Variants in DVL3 observed in about 807,000 individuals in gnomAD.
DVL3 encodes the protein segment polarity protein dishevelled homolog DVL-3.
DVL3 carries 27 observed loss-of-function variants against 67.4 expected under a neutral mutation model. The ratio of observed to expected loss-of-function variants is 0.40; its 90% CI spans 0.30 to 0.55. The LOEUF (loss-of-function observed/expected upper bound fraction) is 0.55, where lower values mean the gene tolerates loss of function less well. DVL3 is among the 20% of genes least tolerant of loss of function. The probability of loss-of-function intolerance (pLI) is 0.46; values close to 1 mark genes in which losing one functional copy is unlikely to be tolerated. For missense variants in DVL3, 819 were observed against 1,021.5 expected, an observed-to-expected ratio of 0.80 and a Z score of 2.70; for synonymous variants, 369 against 396.8, an observed-to-expected ratio of 0.93 and a Z score of 0.83.
Position 184,167,084 on chromosome 3 carries a change from G to A in DVL3, c.1198+109G>A. ...TGAGCATCAGAGAGGGCTGGAGATG[G>A]GGCTCGGCTCATTCCAGCAACCCCA... On this transcript the variant is annotated intron_variant, in intron 11 of 14. Transcript: ENST00000313143. This position sits in a 1 kb window ranked among gnomAD's most constrained non-coding sequence, Gnocchi z 4.6. 2.9e-6 allele frequency: 4 copies of A among 1,388,964 alleles called. No individual in the cohort carries two copies. In the South Asian group the frequency reaches 4.0e-5, roughly 14 times the overall value. 86.0% of individuals were successfully genotyped at this position (1,388,964 alleles called of 1,614,324 possible).
chr3:184,170,709 G>A lies in DVL3; in HGVS notation c.2105G>A (p.Arg702His). 6.2e-7 allele frequency: 1 copy of A among 1,613,638 alleles called. No homozygotes were observed. Among genetic ancestry groups the A allele is most frequent in the Non-Finnish European group, 8.5e-7 (1 of 1,179,914 alleles). The stretch of plus-strand genomic sequence containing the variant: ...CTGACCGCCAGCAGACAGTCCTTCC[G>A]CATGGCCATGGGAAACCCCAGTGAG... Reference protein sequence around the residue: ...PELTASRQSFRMAMGNPSEFF... With the variant: ...PELTASRQSFHMAMGNPSEFF... The change falls in exon 15 of 15, where the codon CGC (arginine) becomes CAC (histidine). Residue 702 changes from arginine (R) to histidine (H), a missense_variant. Transcript: ENST00000313143. The surrounding 1 kb of genome is among the most constrained non-coding windows in gnomAD (Gnocchi z 6.5).
chr3:184,170,420 GACC>G lies in DVL3; in HGVS notation c.1819_1821del (p.His607del). 6.3e-7 allele frequency: 1 copy of G among 1,598,918 alleles called. No homozygotes were observed. Among genetic ancestry groups the G allele is most frequent in the Non-Finnish European group, 8.5e-7 (1 of 1,172,984 alleles). On this transcript the variant is annotated inframe_deletion, in exon 15 of 15. Coordinates refer to ENST00000313143, the MANE Select transcript of DVL3 (RefSeq NM_004423.4). This position sits in a 1 kb window ranked among gnomAD's most constrained non-coding sequence, Gnocchi z 6.5. ...GTCCGGGGGCAGCGGCAGCGAATCG[GACC>G]ACACCACACGCAGCAGCCTGCGGGG...
rs1413126315 is a variant in DVL3, at chr3:184,159,437, C to T, written c.161+3641C>T. On this transcript the variant is annotated intron_variant, in intron 1 of 14. Transcript: ENST00000313143. ...GGGGTACAGTGGTGCGACCTTGGCT[C>T]ACTGCAACCTCTGCCTCCCGGGTTC... is the stretch of plus-strand genomic sequence containing the variant. 3.0e-5 allele frequency among the ~76,000 whole-genome samples: 3 copies of T among 100,050 alleles called. 1 individual carries two copies. Among genetic ancestry groups the T allele is most frequent in the African/African-American group, 1.2e-4 (3 of 25,526 alleles). The allele number at this position is 100,050 out of a possible 152,430, so 65.6% of individuals were successfully genotyped here. A position where few individuals can be genotyped will look rare whatever the true frequency, so the allele number is the denominator to read the frequency against.
chr3:184,155,582 G>C lies in DVL3; in HGVS notation c.-54G>C, dbSNP rs1277625632. 9.5e-7 allele frequency: 1 copy of C among 1,054,364 alleles called. No homozygotes were observed. The highest frequency in any genetic ancestry group is 4.2e-5 in the South Asian group (1 of 24,082). The allele number at this position is 1,054,364 out of a possible 1,614,324, so 65.3% of individuals were successfully genotyped here. A position where few individuals can be genotyped will look rare whatever the true frequency, so the allele number is the denominator to read the frequency against. On this transcript the variant is annotated 5_prime_UTR_variant, in exon 1 of 15. Coordinates refer to ENST00000313143, the MANE Select transcript of DVL3 (RefSeq NM_004423.4). This position sits in a 1 kb window ranked among gnomAD's most constrained non-coding sequence, Gnocchi z 5.4. The stretch of plus-strand genomic sequence containing the variant: ...CGCGCCGCCGCCGTCTGGGAGGCTC[G>C]GCCCGGCCGCCCGAGCAGGCCGCGC...
In DVL3 at chr3:184,165,561, G is replaced by C. The variant is rs1251248946; in HGVS notation, c.763+70G>C. On this transcript the variant is annotated intron_variant, in intron 7 of 14. Coordinates refer to ENST00000313143, the MANE Select transcript of DVL3 (RefSeq NM_004423.4). The surrounding 1 kb of genome is among the most constrained non-coding windows in gnomAD (Gnocchi z 4.1). Reference sequence around the variant, plus strand: ...GACACTGGGCAGACTTGAGTTCAGAGAGCGTAGAATATGTTCCCTGCCCTC... The same window carrying C: ...GACACTGGGCAGACTTGAGTTCAGACAGCGTAGAATATGTTCCCTGCCCTC... 2 of 1,402,274 alleles carry C rather than the reference G, an allele frequency of 1.4e-6. No homozygotes were observed. The highest frequency in any genetic ancestry group is 1.7e-5 in the Admixed American group (1 of 58,822). The allele number at this position is 1,402,274 out of a possible 1,614,324, so 86.9% of individuals were successfully genotyped here.
In DVL3 at chr3:184,164,755, A is replaced by C. The variant is rs751605661; in HGVS notation, c.464-41A>C. The stretch of plus-strand genomic sequence containing the variant: ...GCCTCTCTCCCTCCTTCACCCCTGC[A>C]CTGGGCACTGTGTAAACCCAACTGC... On this transcript the variant is annotated intron_variant, in intron 4 of 14. Transcript: ENST00000313143. The surrounding 1 kb of genome is among the most constrained non-coding windows in gnomAD (Gnocchi z 5.3). 8 of 1,613,636 alleles carry C rather than the reference A, an allele frequency of 5.0e-6. No homozygotes were observed. The East Asian group carries it at 1.8e-4, about 36-fold the overall frequency.
chr3:184,170,820 G>A lies in DVL3; in HGVS notation c.*65G>A. 1.3e-6 allele frequency: 2 copies of A among 1,591,466 alleles called. No homozygotes were observed. The highest frequency in any genetic ancestry group is 2.3e-5 in the East Asian group (1 of 43,492). Reference sequence around the variant, plus strand: ...GCCGGCTGCGTTCCTCTCTCCATCCGTCCGTCTTTTTTACTTTGTCTGGTA... The same window carrying A: ...GCCGGCTGCGTTCCTCTCTCCATCCATCCGTCTTTTTTACTTTGTCTGGTA... On this transcript the variant is annotated 3_prime_UTR_variant, in exon 15 of 15. Transcript: ENST00000313143. The surrounding 1 kb of genome is among the most constrained non-coding windows in gnomAD (Gnocchi z 6.5).
Position 184,173,438 on chromosome 3 carries a change from A to T in DVL3, c.*2683A>T, listed in dbSNP as rs192875821. 3 of 152,274 alleles carry T rather than the reference A, an allele frequency of 2.0e-5. No homozygotes were observed. Among genetic ancestry groups the T allele is most frequent in the Non-Finnish European group, 2.9e-5 (2 of 68,022 alleles). The allele number at this position is 152,274 out of a possible 1,614,324, so 9.4% of individuals were successfully genotyped here. A position where few individuals can be genotyped will look rare whatever the true frequency, so the allele number is the denominator to read the frequency against. On this transcript the variant is annotated 3_prime_UTR_variant, in exon 15 of 15. Coordinates refer to ENST00000313143, the MANE Select transcript of DVL3 (RefSeq NM_004423.4). ...GCTCTACTATTTTTGGTTGTGTGAT[A>T]GAGTTATTTAACCTCTCTGAGCCTC...
At chr3:184,168,220 C>T (rs1416378804) in intron 13 of DVL3, among the ~76,000 whole-genome samples, 155 bp downstream of exon 13, 1 of 152,172 alleles carries the variant, frequency 6.6e-6, no homozygotes, top group Non-Finnish European at 1.5e-5. Context: ...AAGAAGAGTC[C>T]AGTTTAGCCT....
In DVL3 at chr3:184,173,165, C is replaced by T. The variant is rs567294531; in HGVS notation, c.*2410C>T. On this transcript the variant is annotated 3_prime_UTR_variant, in exon 15 of 15. Coordinates refer to ENST00000313143, the MANE Select transcript of DVL3 (RefSeq NM_004423.4). Reference sequence around the variant, plus strand: ...ATCTCTATGGACAGTTCCGTATAGACTCAACTCATCTGCCCAACCAAGTAT... The same window carrying T: ...ATCTCTATGGACAGTTCCGTATAGATTCAACTCATCTGCCCAACCAAGTAT... 1 of 152,404 alleles carries T rather than the reference C, an allele frequency of 6.6e-6. No individual in the cohort carries two copies. The highest frequency in any genetic ancestry group is 2.1e-4 in the South Asian group (1 of 4,832). The allele number at this position is 152,404 out of a possible 1,614,324, so 9.4% of individuals were successfully genotyped here. A position where few individuals can be genotyped will look rare whatever the true frequency, so the allele number is the denominator to read the frequency against.
rs1392619504 is a variant in DVL3 at position 184,167,920 on chromosome 3, G to T, written c.1353G>T (p.Leu451=). ...CAGGCTCAGATGTGGTGGACTGGCTGTACCACAATGTGGAAGGCTTCACGG... is the reference window on the plus strand; with the variant it reads ...CAGGCTCAGATGTGGTGGACTGGCTTTACCACAATGTGGAAGGCTTCACGG... The part of the protein sequence containing the change: ...AFIGSDVVDW[L]YHNVEGFTDR... The change falls in exon 13 of 15, where the codon CTG becomes CTT. Residue 451 remains leucine (L), a synonymous_variant. Coordinates refer to ENST00000313143, the MANE Select transcript of DVL3 (RefSeq NM_004423.4). The surrounding 1 kb of genome is among the most constrained non-coding windows in gnomAD (Gnocchi z 4.6). 6.2e-7 allele frequency: 1 copy of T among 1,614,158 alleles called. No homozygotes were observed. Among genetic ancestry groups the T allele is most frequent in the East Asian group, 2.2e-5 (1 of 44,906 alleles).
At position 184,164,468 on chromosome 3, in the gene DVL3, C is replaced by A. The variant is rs1714493597; in HGVS notation, c.354-24C>A. On this transcript the variant is annotated intron_variant, in intron 3 of 14. Coordinates refer to ENST00000313143, the MANE Select transcript of DVL3 (RefSeq NM_004423.4). This position sits in a 1 kb window ranked among gnomAD's most constrained non-coding sequence, Gnocchi z 5.3. Reference sequence around the variant, plus strand: ...GAGGGAGCCCCCAGCCTGCCCCCTCCCCCATCAAGTCTCTTCCCTGCAGCC... The same window carrying A: ...GAGGGAGCCCCCAGCCTGCCCCCTCACCCATCAAGTCTCTTCCCTGCAGCC... 6.2e-7 allele frequency: 1 copy of A among 1,600,892 alleles called. No individual in the cohort carries two copies. The highest frequency in any genetic ancestry group is 1.3e-5 in the African/African-American group (1 of 74,378).
In DVL3 at chr3:184,171,606, G is replaced by C. The variant is rs1314745803; in HGVS notation, c.*851G>C. 1.1e-5 allele frequency: 11 copies of C among 985,798 alleles called. No individual in the cohort carries two copies. The highest frequency in any genetic ancestry group is 1.3e-5 in the Non-Finnish European group (11 of 829,964). 61.1% of individuals were successfully genotyped at this position (985,798 alleles called of 1,614,324 possible). A position where few individuals can be genotyped will look rare whatever the true frequency, so the allele number is the denominator to read the frequency against. ...CTGTTTGACTTTCTGTGAGCCCCCA[G>C]CGAGGGGAGGCCCAGCCTCCGAGGA... On this transcript the variant is annotated 3_prime_UTR_variant, in exon 15 of 15. Coordinates refer to ENST00000313143, the MANE Select transcript of DVL3 (RefSeq NM_004423.4).
intron 1 of DVL3, among the ~76,000 whole-genome samples, chr3:184,157,659 A>G (rs764095076): frequency 9.2e-5 from 14 of 152,260 alleles, no homozygotes; most frequent in Non-Finnish European, 1.6e-4. Context: ...TTTCTAAAAT[A>G]TGTTTAACAT....
At chr3:184,159,973 T>C (rs1415166635) in intron 1 of DVL3, among the ~76,000 whole-genome samples, 1 of 151,910 alleles carries the variant, frequency 6.6e-6, no homozygotes, top group African/African-American at 2.4e-5. Flanking sequence ...GGAGTCTCGC[T>C]GTGTCGCCCA....
Position 184,171,697 on chromosome 3 carries a change from C to G in DVL3, c.*942C>G, listed in dbSNP as rs550719068. ...AGGATGTCCAGCCCCCACACCCACA[C>G]GTTAACATAATGAGTCACTAGGCTT... is the stretch of plus-strand genomic sequence containing the variant. On this transcript the variant is annotated 3_prime_UTR_variant, in exon 15 of 15. Coordinates refer to ENST00000313143, the MANE Select transcript of DVL3 (RefSeq NM_004423.4). 1.5e-6 allele frequency: 1 copy of G among 669,756 alleles called. No individual in the cohort carries two copies. Among genetic ancestry groups the G allele is most frequent in the Admixed American group, 6.3e-5 (1 of 15,862 alleles). 41.5% of individuals were successfully genotyped at this position (669,756 alleles called of 1,614,324 possible). A position where few individuals can be genotyped will look rare whatever the true frequency, so the allele number is the denominator to read the frequency against.
chr3:184,156,402 C>A, intron 1 of DVL3: 1 of 456,676 alleles, frequency 2.2e-6, no homozygotes, highest in Non-Finnish European at 4.4e-6. Flanking sequence ...GTGTTGTCAC[C>A]GGAACAGAGA....
At position 184,170,597 on chromosome 3, in the gene DVL3, C is replaced by T; in HGVS notation, c.1993C>T (p.Pro665Ser). The change falls in exon 15 of 15, where the codon CCC becomes TCC. Residue 665 changes from proline (P) to serine (S), a missense_variant. Physicochemically the swap from Pro to Ser is moderately conservative, Grantham distance 74. This residue lies in a region of DVL3 where 324 missense variants were observed against 331.3 expected (regional missense o/e 0.98). Transcript: ENST00000313143. The surrounding 1 kb of genome is among the most constrained non-coding windows in gnomAD (Gnocchi z 6.5). ...CGGAGTGCCCCCTCTCTACGGCCCC[C>T]CCATGCTGATGATGCCCCCGCCGCC... The part of the protein sequence containing the change: ...PPGVPPLYGP[P>S]MLMMPPPPAA... 6.2e-7 allele frequency: 1 copy of T among 1,610,320 alleles called. No homozygotes were observed. Among genetic ancestry groups the T allele is most frequent in the Non-Finnish European group, 8.5e-7 (1 of 1,178,066 alleles).
rs578167627 is a variant in DVL3 at position 184,165,548 on chromosome 3, A to T, written c.763+57A>T. On this transcript the variant is annotated intron_variant, in intron 7 of 14. Coordinates refer to ENST00000313143, the MANE Select transcript of DVL3 (RefSeq NM_004423.4). The surrounding 1 kb of genome is among the most constrained non-coding windows in gnomAD (Gnocchi z 4.1). ...CTGCTATATGCCAGACACTGGGCAG[A>T]CTTGAGTTCAGAGAGCGTAGAATAT... is the stretch of plus-strand genomic sequence containing the variant. The T allele has an allele frequency of 6.7e-7, 1 of 1,498,884 alleles. No homozygotes were observed. The highest frequency in any genetic ancestry group is 1.7e-5 in the Admixed American group (1 of 59,548). The allele number at this position is 1,498,884 out of a possible 1,614,324, so 92.8% of individuals were successfully genotyped here. A position where few individuals can be genotyped will look rare whatever the true frequency, so the allele number is the denominator to read the frequency against.
Sources: gnomAD v4.1 joint callset for allele counts (sites outside exome capture counted in the v4.1 genomes callset) on GRCh38, gnomAD v4.1.1 for gene constraint, gnomAD v4.1.1 regional missense constraint, Gnocchi (gnomAD v3.1) non-coding constraint, MANE v1.5 for transcripts, NCBI Gene and HGNC (gene_info 2026-07-23, HGNC 2026-07-21) for gene names.